FGF14: variants seen among roughly 807,000 people sequenced by gnomAD.
FGF14 encodes the protein fibroblast growth factor 14.
FGF14 carries 5 observed loss-of-function variants against 25.5 expected under a neutral mutation model. The ratio of observed to expected loss-of-function variants is 0.20; its 90% confidence interval spans 0.10 to 0.41. FGF14 has a LOEUF of 0.41. FGF14 is among the 10% of genes least tolerant of loss of function. FGF14 has a pLI of 1.00. For missense variants in FGF14, 222 were observed against 320.1 expected, an observed-to-expected ratio of 0.69 and a Z score of 2.34; for synonymous variants, 138 against 118.3, an observed-to-expected ratio of 1.17 and a Z score of -1.08.
intron 1 of FGF14, among the ~76,000 whole-genome samples, chr13:102,303,722 C>G (rs953479291): frequency 6.6e-6 from 1 of 152,146 alleles, no homozygotes; most frequent in African/African-American, 2.4e-5. Context: ...CACATCCCAA[C>G]CCATTGTTTT....
At chr13:102,141,338 C>A (rs1185216836) in intron 1 of FGF14, among the ~76,000 whole-genome samples, 1 of 152,148 alleles carries the variant, frequency 6.6e-6, no homozygotes, top group East Asian at 1.9e-4. Flanking sequence ...CTATCTGGGC[C>A]TTTTCTATGA....
chr13:102,154,699 C>T lies in FGF14; in HGVS notation c.208+246772G>A, dbSNP rs551965311. 4.3e-3 allele frequency among the ~76,000 whole-genome samples: 657 copies of T among 152,166 alleles called. 1 individual carries two copies. Among genetic ancestry groups the T allele is most frequent in the Non-Finnish European group, 7.2e-3 (489 of 68,022 alleles). ...CTTAAACGTAAATGGGCTAAATGCT[C>T]CAATTAAAAGACACAGACTGGCAAA... is the stretch of plus-strand genomic sequence containing the variant. On this transcript the variant is annotated intron_variant, in intron 1 of 4. Coordinates refer to the FGF14 transcript ENST00000376131.
At chr13:102,304,493 CT>C in intron 1 of FGF14, among the ~76,000 whole-genome samples, 1 of 152,228 alleles carries the variant, frequency 6.6e-6, no homozygotes, top group East Asian at 1.9e-4. Flanking sequence ...GTCAGATAGG[CT>C]TAAGAAGTAA....
intron 1 of FGF14, among the ~76,000 whole-genome samples, chr13:102,305,761 G>A (rs2055339085): frequency 6.6e-6 from 1 of 152,098 alleles, no homozygotes; most frequent in Non-Finnish European, 1.5e-5. Flanking sequence ...ATTGTCAACT[G>A]CAGTCAATTT....
intron 1 of FGF14, among the ~76,000 whole-genome samples, chr13:101,892,043 G>A (rs2138898950): frequency 6.6e-6 from 1 of 152,220 alleles, no homozygotes; most frequent in Non-Finnish European, 1.5e-5. Flanking sequence ...CAATTACTTG[G>A]CAGACTTACA....
At chr13:102,311,577 C>T (rs373039216) in intron 1 of FGF14, among the ~76,000 whole-genome samples, 21 of 152,100 alleles carry the variant, frequency 1.4e-4, no homozygotes, top group African/African-American at 4.8e-4. Flanking sequence ...GTCATACTAC[C>T]AGAACCAAAA....
intron 3 of FGF14, among the ~76,000 whole-genome samples, chr13:101,840,029 A>G (rs1471834232): frequency 3.9e-5 from 6 of 152,004 alleles, no homozygotes; most frequent in African/African-American, 1.4e-4. Context: ...TTAATGCCCA[A>G]TGAAGATATT....
chr13:101,957,018 C>A (rs970989333), intron 1 of FGF14, among the ~76,000 whole-genome samples: 12 of 151,792 alleles, frequency 7.9e-5, no homozygotes, highest in African/African-American at 2.2e-4. Flanking sequence ...TCAATATATT[C>A]AAGATAATGT....
intron 1 of FGF14, among the ~76,000 whole-genome samples, chr13:101,986,763 C>T (rs1193106923): frequency 6.6e-6 from 1 of 152,088 alleles, no homozygotes; most frequent in Non-Finnish European, 1.5e-5. Context: ...AAACCCTTGT[C>T]TAAAACTGAA....
At chr13:101,949,285 T>C (rs1174150746) in intron 1 of FGF14, among the ~76,000 whole-genome samples, 1 of 152,144 alleles carries the variant, frequency 6.6e-6, no homozygotes, top group African/African-American at 2.4e-5. Context: ...CAAAATTCTG[T>C]CCTACTTTCT....
intron 1 of FGF14, among the ~76,000 whole-genome samples, chr13:102,082,052 A>G (rs1336063012): frequency 2.6e-5 from 4 of 152,202 alleles, no homozygotes; most frequent in Non-Finnish European, 4.4e-5. Context: ...TTATGAATTT[A>G]CCCATTCTGA....
At chr13:102,061,871 C>T (rs1202915457) in intron 1 of FGF14, among the ~76,000 whole-genome samples, 16 of 152,160 alleles carry the variant, frequency 1.1e-4, no homozygotes, top group Admixed American at 9.2e-4. Flanking sequence ...CTGCTGTTCA[C>T]GTAACATCCT....
intron 1 of FGF14, among the ~76,000 whole-genome samples, chr13:102,044,892 T>C (rs1313444827): frequency 4.6e-5 from 7 of 152,160 alleles, no homozygotes; most frequent in Admixed American, 3.3e-4. Context: ...TCTAGATCTA[T>C]TGGAGAAATT....
chr13:102,053,434 T>G (rs12865322), intron 1 of FGF14, among the ~76,000 whole-genome samples: 268 of 151,976 alleles, frequency 1.8e-3, no homozygotes, highest in Non-Finnish European at 3.5e-3. Flanking sequence ...TTCAGAAAAT[T>G]CACAAACATA....
intron 1 of FGF14, among the ~76,000 whole-genome samples, chr13:102,242,958 T>A (rs2051677385): frequency 6.6e-6 from 1 of 152,148 alleles, no homozygotes; most frequent in East Asian, 1.9e-4. Context: ...TTAGGTTTAG[T>A]CATGTGACTA....
chr13:101,844,874 AAT>A (rs1458680635), intron 3 of FGF14, among the ~76,000 whole-genome samples: 1 of 152,044 alleles, frequency 6.6e-6, no homozygotes, highest in Non-Finnish European at 1.5e-5. Context: ...CTACACTGCA[AAT>A]GCCAGCAACT....
chr13:102,382,627 C>T (rs372817440), intron 1 of FGF14, among the ~76,000 whole-genome samples: 1 of 152,000 alleles, frequency 6.6e-6, no homozygotes, highest in African/African-American at 2.4e-5. Flanking sequence ...TAGTTACATA[C>T]CCAAAAGAAT....
intron 3 of FGF14, among the ~76,000 whole-genome samples, chr13:101,766,897 T>C (rs1396388669): frequency 6.6e-6 from 1 of 152,146 alleles, no homozygotes; most frequent in Non-Finnish European, 1.5e-5. Context: ...GGCATAGAAC[T>C]GATTCTCCTT....
intron 1 of FGF14, among the ~76,000 whole-genome samples, chr13:102,239,345 T>C (rs971731421): frequency 1.3e-5 from 2 of 152,222 alleles, no homozygotes; most frequent in East Asian, 1.9e-4. Flanking sequence ...AGCCAAATTA[T>C]ATTTGTTCCA....
Sources: gnomAD v4.1 joint callset for allele counts (sites outside exome capture counted in the v4.1 genomes callset) on GRCh38, gnomAD v4.1.1 for gene constraint, MANE v1.5 for transcripts, NCBI Gene and HGNC (gene_info 2026-07-23, HGNC 2026-07-21) for gene names.